The following ANXA13 variants were observed in gnomAD, a reference collection of about 807,000 sequenced individuals.
ANXA13 encodes the protein annexin XIII.
Under a neutral mutation model 46.6 loss-of-function variants are expected in ANXA13, and 36 were observed. The observed-to-expected ratio is 0.77, with a 90% CI of 0.59 to 1.02. The LOEUF (loss-of-function observed/expected upper bound fraction) is 1.02, where lower values mean the gene tolerates loss of function less well. Ranked by LOEUF, ANXA13 falls within the 50% of genes least tolerant of loss-of-function variation. The pLI is 0.00. For synonymous variants in ANXA13, 163 were observed against 152.9 expected, an observed-to-expected ratio of 1.07 and a Z score of -0.49; for missense variants, 417 against 396.5, an observed-to-expected ratio of 1.05 and a Z score of -0.44.
intron 3 of ANXA13, among the ~76,000 whole-genome samples, chr8:123,700,685 T>C (rs1241746428): frequency 2.6e-5 from 4 of 152,204 alleles, no homozygotes; most frequent in Admixed American, 6.5e-5. Context: ...TTAAGAAGCA[T>C]TGTATCCGAT....
chr8:123,699,449 T>C (rs1449383975), intron 3 of ANXA13, among the ~76,000 whole-genome samples: 1 of 152,240 alleles, frequency 6.6e-6, no homozygotes, highest in Admixed American at 6.5e-5. Context: ...CTCAAAGTGC[T>C]GGGATTATAG....
At chr8:123,737,114 G>A (rs1205340501) in intron 1 of ANXA13, among the ~76,000 whole-genome samples, 1 of 151,672 alleles carries the variant, frequency 6.6e-6, no homozygotes, top group Non-Finnish European at 1.5e-5. Context: ...GCCCACTCTG[G>A]CCTTGCAAAG....
chr8:123,712,599 T>G, intron 2 of ANXA13, 79 bp downstream of exon 2: 7 of 1,232,498 alleles, frequency 5.7e-6, no homozygotes, highest in Non-Finnish European at 7.2e-6. Flanking sequence ...GTCAGCTTCC[T>G]AACATCATGG....
chr8:123,707,371 G>A (rs1420515800), intron 2 of ANXA13, among the ~76,000 whole-genome samples: 1 of 152,038 alleles, frequency 6.6e-6, no homozygotes, highest in Non-Finnish European at 1.5e-5. Flanking sequence ...TCAGGAAAAT[G>A]AAATTAATAT....
At chr8:123,728,065 T>A (rs555009947) in intron 1 of ANXA13, 3 of 152,366 alleles carry the variant, frequency 2.0e-5, no homozygotes, top group Admixed American at 2.0e-4. Flanking sequence ...CATCCCAGCC[T>A]ATACCGGCAG....
intron 2 of ANXA13, chr8:123,711,619 CTTTTTTT>C (rs3054145): frequency 7.0e-6 from 1 of 142,920 alleles, no homozygotes; most frequent in African/African-American, 2.6e-5. Context: ...GTTCTTTTTT[CTTTTTTT>C]TTTTTTGAGA....
At chr8:123,732,258 C>A (rs1814132592) in intron 1 of ANXA13, among the ~76,000 whole-genome samples, 1 of 152,158 alleles carries the variant, frequency 6.6e-6, no homozygotes, top group South Asian at 2.1e-4. Context: ...AATAGTATCT[C>A]CCTGATAGGA....
chr8:123,681,500 T>C, intron 10 of ANXA13, 141 bp from the exon 11 acceptor site: 1 of 781,860 alleles, frequency 1.3e-6, no homozygotes, highest in Non-Finnish European at 1.9e-6. Flanking sequence ...TTTCCTATCA[T>C]TATTTCCTTT....
chr8:123,721,941 A>G (rs1374015356), intron 1 of ANXA13, among the ~76,000 whole-genome samples: 1 of 152,186 alleles, frequency 6.6e-6, no homozygotes, highest in Non-Finnish European at 1.5e-5. Context: ...CAGAAACTCT[A>G]CTATTGACTT....
Position 123,689,025 on chromosome 8 carries a change from A to G in ANXA13, c.643-79T>C. ...ACTCTTGGGGTTGTTCCTCTACAAA[A>G]AGCACTCAAGTTTTCCAGATTTAGT... On this transcript the variant is annotated intron_variant, in intron 8 of 10. Coordinates refer to ENST00000419625, the MANE Select transcript of ANXA13 (RefSeq NM_004306.4). 4 of 1,384,922 alleles carry G rather than the reference A, an allele frequency of 2.9e-6. No homozygotes were observed. The South Asian group carries it at 4.7e-5, about 16-fold the overall frequency. The allele number at this position is 1,384,922 out of a possible 1,614,324, so 85.8% of individuals were successfully genotyped here.
intron 10 of ANXA13, among the ~76,000 whole-genome samples, chr8:123,682,383 A>G (rs1813055774): frequency 6.6e-6 from 1 of 152,248 alleles, no homozygotes; most frequent in African/African-American, 2.4e-5. Flanking sequence ...CAGGTAGAAC[A>G]TAATGGATCT....
At chr8:123,737,258 T>C in intron 1 of ANXA13, 62 bp downstream of exon 1, 1 of 1,496,492 alleles carries the variant, frequency 6.7e-7, no homozygotes, top group Admixed American at 1.7e-5. Flanking sequence ...GATTTTATAG[T>C]TTAAATTCTT....
chr8:123,728,801 A>G (rs1305064834), intron 1 of ANXA13: 1 of 152,074 alleles, frequency 6.6e-6, no homozygotes, highest in Non-Finnish European at 1.5e-5. Context: ...CATTGGATCC[A>G]AAAAAATTAA....
At chr8:123,724,440 T>TC (rs1229498698) in intron 1 of ANXA13, among the ~76,000 whole-genome samples, 1 of 152,106 alleles carries the variant, frequency 6.6e-6, no homozygotes, top group African/African-American at 2.4e-5. Context: ...TTTCTAAAAC[T>TC]CCCCAGACAA....
At chr8:123,715,081 A>G (rs10105314) in intron 1 of ANXA13, among the ~76,000 whole-genome samples, 9,133 of 152,272 alleles carry the variant, frequency 0.06, 322 homozygotes, top group Non-Finnish European at 0.078. Context: ...TCCTTATCCA[A>G]ATCTTTTGTG....
intron 4 of ANXA13, among the ~76,000 whole-genome samples, chr8:123,697,870 T>G (rs13269492): frequency 0.27 from 40,618 of 152,150 alleles, 5,776 homozygotes; most frequent in Middle Eastern, 0.35. Context: ...ATGTGCCGAG[T>G]GACATCCCTC....
rs148382454 is a variant in ANXA13, at chr8:123,698,482, G to A, written c.264C>T (p.Ser88=). The A allele has an allele frequency of 2.3e-4, 374 of 1,614,224 alleles. No homozygotes were observed. Among genetic ancestry groups the A allele is most frequent in the Admixed American group, 8.3e-5 (5 of 60,028 alleles). The part of the protein sequence containing the change: ...KTALALLDRP[S]EYAARQLQKA... ...TCTGCAGCTGCCGGGCGGCGTACTC[G>A]CTGGGACGGTCCAGAAGGGCCAACG... Residue 88 remains serine, a synonymous_variant, in exon 4 of 11, where the codon AGC becomes AGT. Transcript: ENST00000419625.
chr8:123,711,790 T>G (rs1305324869), intron 2 of ANXA13: 8 of 152,242 alleles, frequency 5.3e-5, no homozygotes, highest in Admixed American at 2.6e-4. Context: ...AATTTTTGTA[T>G]TTTTAGTGGA....
intron 1 of ANXA13, among the ~76,000 whole-genome samples, chr8:123,723,268 T>A (rs1345336091): frequency 6.6e-6 from 1 of 152,216 alleles, no homozygotes; most frequent in Non-Finnish European, 1.5e-5. Context: ...AAACTTGAGA[T>A]TGACAGCACA....
Sources: allele counts gnomAD v4.1 joint callset (sites outside exome capture counted in the v4.1 genomes callset), GRCh38; gene constraint gnomAD v4.1.1; transcripts MANE v1.5; gene names NCBI Gene and HGNC (gene_info 2026-07-23, HGNC 2026-07-21).